The following DAAM2 variants were observed in gnomAD, a reference collection of about 807,000 sequenced individuals.
DAAM2 encodes disheveled-associated activator of morphogenesis 2.
A neutral mutation model predicts 120.7 loss-of-function variants in DAAM2; 39 were observed. The observed-to-expected ratio is 0.32, with a 90% CI of 0.25 to 0.42. The LOEUF is 0.42. Ranked by LOEUF, DAAM2 falls within the 10% of genes least tolerant of loss-of-function variation. The pLI is 1.00. For synonymous variants in DAAM2, 488 were observed against 524.9 expected, an observed-to-expected ratio of 0.93 and a Z score of 0.96; for missense variants, 1,283 against 1,401.7, an observed-to-expected ratio of 0.92 and a Z score of 1.35.
intron 1 of DAAM2, among the ~76,000 whole-genome samples, chr6:39,804,599 G>A (rs1323347224): frequency 4.0e-5 from 6 of 151,316 alleles, no homozygotes; most frequent in African/African-American, 1.5e-4. Flanking sequence ...AGAATAAAAG[G>A]GATCAACTTA....
intron 1 of DAAM2, among the ~76,000 whole-genome samples, chr6:39,809,450 G>T (rs1348386060): frequency 6.6e-6 from 1 of 152,154 alleles, no homozygotes; most frequent in Non-Finnish European, 1.5e-5. Context: ...CTTCTAGCTG[G>T]GGAATGGTGA....
intron 1 of DAAM2, among the ~76,000 whole-genome samples, chr6:39,835,141 C>G (rs536877205): frequency 1.3e-5 from 2 of 152,304 alleles, no homozygotes; most frequent in East Asian, 3.9e-4. Flanking sequence ...ATCTCTGGTG[C>G]CTGGCACATC....
chr6:39,819,903 C>T (rs9471172), intron 1 of DAAM2: 35,028 of 152,144 alleles, frequency 0.23, 4,145 homozygotes, highest in South Asian at 0.36. Context: ...CCGAAGGCCC[C>T]GCCTACACAT....
At chr6:39,873,476 G>A in intron 10 of DAAM2, 121 bp downstream of exon 10, 1 of 695,602 alleles carries the variant, frequency 1.4e-6, no homozygotes, top group Non-Finnish European at 2.6e-6. Context: ...CTGTGCACTT[G>A]CTTTTGGGAG....
intron 1 of DAAM2, among the ~76,000 whole-genome samples, chr6:39,809,605 A>G (rs939403770): frequency 3.2e-4 from 49 of 152,248 alleles, no homozygotes; most frequent in African/African-American, 1.1e-3. Context: ...GCCCTTTTCC[A>G]TCTCCCCTAC....
chr6:39,800,454 GTT>G (rs1761827287), intron 1 of DAAM2, among the ~76,000 whole-genome samples: 1 of 152,208 alleles, frequency 6.6e-6, no homozygotes, highest in Admixed American at 6.5e-5. Flanking sequence ...TTGGAGAACA[GTT>G]TTGATGGAGC....
chr6:39,889,639 G>C (rs1451670097), intron 17 of DAAM2, among the ~76,000 whole-genome samples: 1 of 152,134 alleles, frequency 6.6e-6, no homozygotes, highest in Non-Finnish European at 1.5e-5. Context: ...TGGAGGCATT[G>C]ACCCTCCATG....
At chr6:39,864,157 G>T (rs1048194200) in intron 3 of DAAM2, among the ~76,000 whole-genome samples, 4 of 151,806 alleles carry the variant, frequency 2.6e-5, no homozygotes, top group African/African-American at 4.9e-5. Flanking sequence ...CAAGAGAAAA[G>T]AATTTTTAAA....
chr6:39,834,953 G>T (rs906692511), intron 1 of DAAM2, among the ~76,000 whole-genome samples: 1 of 152,162 alleles, frequency 6.6e-6, no homozygotes, highest in Non-Finnish European at 1.5e-5. Flanking sequence ...AGCCTTCCCT[G>T]GTGTCCTCCT....
At chr6:39,859,787 C>T (rs534585958) in intron 2 of DAAM2, among the ~76,000 whole-genome samples, 26 of 152,054 alleles carry the variant, frequency 1.7e-4, no homozygotes, top group Middle Eastern at 3.4e-3. Context: ...AAATATATGT[C>T]GCCCATGTTA....
intron 21 of DAAM2, among the ~76,000 whole-genome samples, chr6:39,897,668 CAT>C (rs1434201101): frequency 6.6e-6 from 1 of 152,164 alleles, no homozygotes; most frequent in African/African-American, 2.4e-5. Flanking sequence ...TCTGGGTGCA[CAT>C]GTGTAGTAGC....
intron 1 of DAAM2, among the ~76,000 whole-genome samples, chr6:39,817,966 G>T (rs1339560538): frequency 6.6e-6 from 1 of 152,024 alleles, no homozygotes; most frequent in African/African-American, 2.4e-5. Flanking sequence ...ATCACCTGAG[G>T]TCAGGAGTTT....
At chr6:39,850,557 A>G (rs1562025733) in intron 1 of DAAM2, among the ~76,000 whole-genome samples, 2 of 152,172 alleles carry the variant, frequency 1.3e-5, no homozygotes. Context: ...AAGCTGGTCA[A>G]AAGCACATTT....
At chr6:39,839,547 A>G (rs1763242615) in intron 1 of DAAM2, among the ~76,000 whole-genome samples, 1 of 152,366 alleles carries the variant, frequency 6.6e-6, no homozygotes, top group South Asian at 2.1e-4. Flanking sequence ...TAGGACCTGA[A>G]GCCAAAAGGA....
In DAAM2 at chr6:39,814,165, T is replaced by G. The variant is rs191084036; in HGVS notation, c.-57+21700T>G. On this transcript the variant is annotated intron_variant, in intron 1 of 24. Coordinates refer to ENST00000274867, the MANE Select transcript of DAAM2 (RefSeq NM_001201427.2). ...AGATTTTTGCAAGGTTTTATTTTTT[T>G]TAAGTTTTCTTTTTCTTTCTTTCTT... Among the ~76,000 whole-genome samples, 7 of 147,322 alleles carry G rather than the reference T, an allele frequency of 4.8e-5. No homozygotes were observed. The East Asian group carries it at 1.4e-3, about 30-fold the overall frequency.
At chr6:39,873,127 A>G (rs1429639820) in intron 9 of DAAM2, 111 bp from the exon 10 acceptor site, 4 of 709,528 alleles carry the variant, frequency 5.6e-6, no homozygotes, top group Non-Finnish European at 1.0e-5. Context: ...AGGCAGGGGA[A>G]GAAAACCTTT....
chr6:39,811,174 AGTGTGTGT>A (rs59432565), intron 1 of DAAM2, among the ~76,000 whole-genome samples: 49 of 146,556 alleles, frequency 3.3e-4, no homozygotes, highest in South Asian at 2.9e-3. Flanking sequence ...AACTGAAGGG[AGTGTGTGT>A]GTGTGTGTGT....
At chr6:39,831,392 C>T (rs1028791743) in intron 1 of DAAM2, among the ~76,000 whole-genome samples, 1 of 152,042 alleles carries the variant, frequency 6.6e-6, no homozygotes, top group Non-Finnish European at 1.5e-5. Context: ...CCTGGTGCTA[C>T]CCTAATCACT....
chr6:39,896,763 C>G (rs776859725), intron 19 of DAAM2, 49 bp from the exon 20 acceptor site: 1 of 1,472,702 alleles, frequency 6.8e-7, no homozygotes, highest in East Asian at 2.4e-5. Flanking sequence ...ATGAGAACTG[C>G]TGCCCTGCCT....
Sources: gnomAD v4.1 joint callset for allele counts (sites outside exome capture counted in the v4.1 genomes callset) on GRCh38, gnomAD v4.1.1 for gene constraint, MANE v1.5 for transcripts, NCBI Gene and HGNC (gene_info 2026-07-23, HGNC 2026-07-21) for gene names.